The following PPP1R21 variants were observed in gnomAD, a reference collection of about 807,000 sequenced individuals.
PPP1R21 encodes KLRAQ motif containing 1.
Under a neutral mutation model 112.8 loss-of-function variants are expected in PPP1R21, and 85 were observed. The observed-to-expected ratio is 0.75, with a 90% CI of 0.63 to 0.90. PPP1R21 has a LOEUF of 0.90. PPP1R21 is among the 40% of genes least tolerant of loss of function. The pLI is 0.00. For missense variants in PPP1R21, 1,199 were observed against 901.5 expected (o/e 1.33, Z -4.23); for synonymous variants, 381 against 322.3 (o/e 1.18, Z -1.95).
chr2:48,504,196 T>C (rs1402328924), intron 17 of PPP1R21, among the ~76,000 whole-genome samples: 1 of 152,208 alleles, frequency 6.6e-6, no homozygotes, highest in Non-Finnish European at 1.5e-5. Flanking sequence ...TTCTACTTCA[T>C]AAAGTAGAAA....
chr2:48,486,184 C>G (rs1287121783), intron 13 of PPP1R21, among the ~76,000 whole-genome samples: 1 of 152,020 alleles, frequency 6.6e-6, no homozygotes, highest in Non-Finnish European at 1.5e-5. Context: ...AGGAAACTAG[C>G]TATAGCCCAG....
intron 17 of PPP1R21, among the ~76,000 whole-genome samples, chr2:48,503,911 C>A (rs1670246315): frequency 6.6e-6 from 1 of 150,472 alleles, no homozygotes. Flanking sequence ...CAGGATCGCA[C>A]CATTGCACTC....
intron 4 of PPP1R21, 126 bp downstream of exon 4, chr2:48,458,353 G>A (rs1256129650): frequency 1.4e-5 from 8 of 570,488 alleles, no homozygotes; most frequent in Middle Eastern, 5.2e-4. Context: ...TGGTCTTCAA[G>A]TATATATGTC....
At chr2:48,498,276 G>GT (rs200883214) in intron 16 of PPP1R21, among the ~76,000 whole-genome samples, 63,292 of 148,106 alleles carry the variant, frequency 0.43, 15,185 homozygotes, top group Non-Finnish European at 0.56. Flanking sequence ...AATGAGTAGA[G>GT]TTTTTTTTTT....
In PPP1R21 at chr2:48,507,378, A is replaced by C; in HGVS notation, c.2078A>C (p.Tyr693Ser). The C allele has an allele frequency of 6.2e-7, 1 of 1,601,976 alleles. No individual in the cohort carries two copies. The highest frequency in any genetic ancestry group is 1.1e-5 in the South Asian group (1 of 88,574). ...GCTGACAGTAAGTCAGTGCATTTTT[A>C]TGCCGAGGTGAGTGTAGATTTAATT... ...QLADSKSVHF[Y>S]AECRALSKRL... The change falls in exon 19 of 22, where the codon TAT becomes TCT. Residue 693 changes from tyrosine (Y) to serine (S), a missense_variant. Transcript: ENST00000294952.
chr2:48,475,305 A>G (rs1668701699), intron 12 of PPP1R21, among the ~76,000 whole-genome samples: 1 of 152,064 alleles, frequency 6.6e-6, no homozygotes, highest in Non-Finnish European at 1.5e-5. Flanking sequence ...GTGAGCTATG[A>G]TCACACCACT....
Position 48,459,746 on chromosome 2 carries a change from C to A in PPP1R21, c.376-8C>A, listed in dbSNP as rs751840727. Reference sequence around the variant, plus strand: ...TTGTGAGAAGAGAAAATGGTCTTCTCTTTTTAGTTTTTTGAAGCTGATGAG... The same window carrying A: ...TTGTGAGAAGAGAAAATGGTCTTCTATTTTTAGTTTTTTGAAGCTGATGAG... On this transcript the variant is annotated splice_region_variant and splice_polypyrimidine_tract_variant and intron_variant, in intron 4 of 21. Coordinates refer to ENST00000294952, the MANE Select transcript of PPP1R21 (RefSeq NM_001135629.3). The A allele has an allele frequency of 1.2e-6, 2 of 1,608,038 alleles. No individual in the cohort carries two copies. Among genetic ancestry groups the A allele is most frequent in the South Asian group, 2.2e-5 (2 of 90,020 alleles).
chr2:48,441,188 G>C (rs1246752768), intron 1 of PPP1R21, 178 bp downstream of exon 1: 1 of 617,962 alleles, frequency 1.6e-6, no homozygotes, highest in South Asian at 1.8e-5. Context: ...CCAGGAGATG[G>C]GGCCGGGCGG....
At chr2:48,487,467 A>G (rs530433782) in intron 14 of PPP1R21, among the ~76,000 whole-genome samples, 5 of 152,274 alleles carry the variant, frequency 3.3e-5, no homozygotes, top group African/African-American at 1.2e-4. Context: ...AGTTTCTTTA[A>G]GAATCCTTTG....
At chr2:48,441,158 G>C (rs978910850) in intron 1 of PPP1R21, 148 bp downstream of exon 1, 3 of 659,880 alleles carry the variant, frequency 4.5e-6, no homozygotes, top group African/African-American at 3.8e-5. Context: ...CCACCATTAC[G>C]GTGCCTCCAC....
intron 14 of PPP1R21, among the ~76,000 whole-genome samples, chr2:48,488,952 G>A (rs906182080): frequency 6.6e-6 from 1 of 152,136 alleles, no homozygotes; most frequent in African/African-American, 2.4e-5. Flanking sequence ...CAAACACTGT[G>A]TGAATCCATG....
intron 13 of PPP1R21, among the ~76,000 whole-genome samples, chr2:48,481,282 C>T (rs1669000247): frequency 1.3e-5 from 2 of 152,228 alleles, no homozygotes; most frequent in Non-Finnish European, 2.9e-5. Context: ...AGCCACTGGG[C>T]CTGGCCCCAA....
intron 9 of PPP1R21, among the ~76,000 whole-genome samples, chr2:48,468,882 T>G (rs1237653454): frequency 2.6e-5 from 4 of 151,520 alleles, no homozygotes; most frequent in Admixed American, 6.6e-5. Context: ...TGTGTGTATA[T>G]ATATGTATAA....
chr2:48,459,958 G>A (rs1667903884), intron 5 of PPP1R21, 40 bp downstream of exon 5: 1 of 1,599,336 alleles, frequency 6.3e-7, no homozygotes, highest in Non-Finnish European at 8.5e-7. Context: ...AATAGTTACA[G>A]CTTTTGTATT....
intron 9 of PPP1R21, among the ~76,000 whole-genome samples, chr2:48,468,488 A>G (rs1304589061): frequency 6.6e-6 from 1 of 152,200 alleles, no homozygotes; most frequent in East Asian, 1.9e-4. Context: ...TAATGTAGTT[A>G]TGCTTTCTTT....
At chr2:48,441,043 C>A (rs1322529605) in intron 1 of PPP1R21, 33 bp downstream of exon 1, 2 of 1,515,814 alleles carry the variant, frequency 1.3e-6, no homozygotes, top group Non-Finnish European at 9.1e-7. Flanking sequence ...AGGGGGTCCC[C>A]CGCCCTGCGG....
At chr2:48,485,051 A>G (rs932579889) in intron 13 of PPP1R21, among the ~76,000 whole-genome samples, 1 of 152,196 alleles carries the variant, frequency 6.6e-6, no homozygotes, top group African/African-American at 2.4e-5. Context: ...AAAAGCATTC[A>G]GTACTTACAG....
chr2:48,498,420 G>A, intron 16 of PPP1R21, 73 bp from the exon 17 acceptor site: 5 of 1,520,196 alleles, frequency 3.3e-6, no homozygotes, highest in Non-Finnish European at 4.5e-6. Flanking sequence ...TTTACATTCT[G>A]TAAGATAGTT....
intron 13 of PPP1R21, among the ~76,000 whole-genome samples, chr2:48,481,161 G>A (rs1296654682): frequency 6.6e-6 from 1 of 152,134 alleles, no homozygotes; most frequent in East Asian, 1.9e-4. Flanking sequence ...GCTAATTTTT[G>A]TATTTTTAGT....
Sources: gnomAD v4.1 joint callset for allele counts (sites outside exome capture counted in the v4.1 genomes callset) on GRCh38, gnomAD v4.1.1 for gene constraint, MANE v1.5 for transcripts, NCBI Gene and HGNC (gene_info 2026-07-23, HGNC 2026-07-21) for gene names.